The following CTCFL variants were observed in gnomAD, a reference collection of about 807,000 sequenced individuals.
CTCFL encodes CCCTC-binding factor like.
In CTCFL, 36 loss-of-function variants were observed where a neutral mutation model predicts 67.4. That is an observed-to-expected ratio of 0.53 (90% confidence interval 0.41 to 0.71). CTCFL has a LOEUF of 0.71. Ranked by LOEUF, CTCFL falls within the 30% of genes least tolerant of loss-of-function variation. CTCFL has a pLI of 0.00. For synonymous variants in CTCFL, 324 were observed against 302.3 expected (o/e 1.07, Z -0.75); for missense variants, 786 against 835.2 (o/e 0.94, Z 0.73).
intron 9 of CTCFL, 121 bp downstream of exon 9, chr20:57,508,485 G>C (rs911351744): frequency 1.1e-6 from 1 of 888,978 alleles, no homozygotes; most frequent in Admixed American, 2.5e-5. Context: ...AGGCATGACA[G>C]ATGCTCCTGA....
chr20:57,505,437 C>T (rs6025594), intron 9 of CTCFL, among the ~76,000 whole-genome samples: 105,255 of 149,466 alleles, frequency 0.7, 38,166 homozygotes, highest in African/African-American at 0.86. Context: ...TTGTATTTTT[C>T]AGTAGAGATG....
In CTCFL at chr20:57,519,112, T is replaced by TA. The variant is rs1359209033; in HGVS notation, c.925+94dup. On this transcript the variant is annotated intron_variant, in intron 4 of 10. Coordinates refer to ENST00000243914, the MANE Select transcript of CTCFL (RefSeq NM_001386993.1). ...AAGACAAAACTAAAGTATAAAATGT[T>TA]ACACGATTCTACTGTAGAAACAGGT... 32 of 1,342,840 alleles carry TA rather than the reference T, an allele frequency of 2.4e-5. No homozygotes were observed. The African/African-American group carries it at 3.8e-4, about 16-fold the overall frequency. The allele number at this position is 1,342,840 out of a possible 1,614,324, so 83.2% of individuals were successfully genotyped here.
Position 57,498,636 on chromosome 20 carries a change from C to A in CTCFL, c.1906G>T (p.Ala636Ser). ...EQFPGEMFPV[A>S]CRETTARVKE... ...ACTCTGGCTGTGGTTTCTCTGCAGG[C>A]GACAGGAAACATCTCTCCTGGGAAC... is the stretch of plus-strand genomic sequence containing the variant. The change falls in exon 11 of 11, where the codon GCC (alanine) becomes TCC (serine). Residue 636 changes from alanine to serine, a missense_variant. By Grantham distance (99) the Ala-to-Ser change is moderately conservative. This residue lies in a region of CTCFL where 199 missense variants were observed against 196.7 expected (regional missense o/e 1.01). Coordinates refer to ENST00000243914, the MANE Select transcript of CTCFL (RefSeq NM_001386993.1). 6.2e-7 allele frequency: 1 copy of A among 1,614,072 alleles called. No individual in the cohort carries two copies.
intron 8 of CTCFL, among the ~76,000 whole-genome samples, chr20:57,512,032 C>T (rs1164319090): frequency 6.6e-6 from 1 of 152,202 alleles, no homozygotes; most frequent in African/African-American, 2.4e-5. Context: ...AAACAAACCC[C>T]CAGGTGCTTT....
intron 10 of CTCFL, among the ~76,000 whole-genome samples, chr20:57,503,144 A>G (rs780704915): frequency 1.3e-5 from 2 of 152,220 alleles, no homozygotes; most frequent in Non-Finnish European, 2.9e-5. Context: ...GTGGTCATCT[A>G]TTGCAACAGC....
At chr20:57,507,482 GC>G (rs1405864814) in intron 9 of CTCFL, 3 of 671,378 alleles carry the variant, frequency 4.5e-6, no homozygotes, top group South Asian at 1.6e-5. Flanking sequence ...ACAGGTGTGA[GC>G]CCCCACAGCT....
intron 9 of CTCFL, among the ~76,000 whole-genome samples, chr20:57,503,939 AAAAG>A (rs2068048863): frequency 6.6e-6 from 1 of 151,622 alleles, no homozygotes; most frequent in Non-Finnish European, 1.5e-5. Context: ...AAAAAAAAAA[AAAAG>A]AAAGAAAAGA....
At position 57,524,175 on chromosome 20, in the gene CTCFL, C is replaced by A; in HGVS notation, c.31G>T (p.Glu11Ter). ...AGTTCTTTGATCTTGGTGAATTGCT[C>A]AGAAAGGACAGAGATCTCAGTGGCT... The part of the protein sequence containing the change: MAATEISVLS[E>*]QFTKIKELEL... The change falls in exon 2 of 11, where the codon GAG (glutamate) becomes TAG (stop). Residue 11 changes from glutamate (E) to a stop codon, truncating the protein, a stop_gained. Coordinates refer to ENST00000243914, the MANE Select transcript of CTCFL (RefSeq NM_001386993.1). LOFTEE classifies it high-confidence loss of function. The A allele has an allele frequency of 6.2e-7, 1 of 1,613,042 alleles. No homozygotes were observed. Among genetic ancestry groups the A allele is most frequent in the Non-Finnish European group, 8.5e-7 (1 of 1,179,914 alleles).
Position 57,520,967 on chromosome 20 carries a change from T to A in CTCFL, c.755-1590A>T, listed in dbSNP as rs538693653. 2.6e-5 allele frequency among the ~76,000 whole-genome samples: 4 copies of A among 152,334 alleles called. No homozygotes were observed. The South Asian group carries it at 8.3e-4, about 32-fold the overall frequency. The stretch of plus-strand genomic sequence containing the variant: ...AAAGAGATGTAGAGACATACAGGAA[T>A]AATTCCATGTGATAACAGAGGCAGA... On this transcript the variant is annotated intron_variant, in intron 3 of 10. Transcript: ENST00000243914.
At chr20:57,519,091 C>T in intron 4 of CTCFL, 116 bp downstream of exon 4, 3 of 1,285,060 alleles carry the variant, frequency 2.3e-6, no homozygotes, top group African/African-American at 1.5e-5. Context: ...AAAAAGAAGA[C>T]AAAACTAAAG....
chr20:57,511,492 T>C (rs2068549685), intron 8 of CTCFL, among the ~76,000 whole-genome samples: 2 of 152,172 alleles, frequency 1.3e-5, no homozygotes, highest in Non-Finnish European at 2.9e-5. Context: ...GATTGGTCAT[T>C]TGGAAAATAC....
chr20:57,518,817 A>T lies in CTCFL; in HGVS notation c.1000T>A (p.Tyr334Asn). The change falls in exon 5 of 11, where the codon TAT (tyrosine) becomes AAT (asparagine). Residue 334 changes from tyrosine to asparagine, a missense_variant. Coordinates refer to ENST00000243914, the MANE Select transcript of CTCFL (RefSeq NM_001386993.1). Reference protein sequence around the residue: ...TSGELVRHRRYKHTHEKPFKC... With the variant: ...TSGELVRHRRNKHTHEKPFKC... ...AAGGGTTTCTCATGAGTATGTTTAT[A>T]GCGCCTGTGTCGGACGAGTTCTCCA... The T allele has an allele frequency of 6.2e-7, 1 of 1,614,154 alleles. No individual in the cohort carries two copies. Among genetic ancestry groups the T allele is most frequent in the Non-Finnish European group, 8.5e-7 (1 of 1,180,026 alleles).
At chr20:57,524,413 G>A (rs1035864278) in intron 1 of CTCFL, 197 bp from the exon 2 acceptor site, 6 of 1,414,392 alleles carry the variant, frequency 4.2e-6, no homozygotes, top group African/African-American at 2.9e-5. Flanking sequence ...GCAGGATTTA[G>A]GCTAAAGCAG....
At position 57,515,768 on chromosome 20, in the gene CTCFL, TGCACTGGCA is replaced by T. The variant is rs1480190162; in HGVS notation, c.1117_1125del (p.Cys373_Cys375del). 2 of 1,614,066 alleles carry T rather than the reference TGCACTGGCA, an allele frequency of 1.2e-6. No individual in the cohort carries two copies. Among genetic ancestry groups the T allele is most frequent in the Non-Finnish European group, 1.7e-6 (2 of 1,180,044 alleles). ...TTGTAGGTATCTCTGCTGGCATAGCTGCACTGGCAACACTGAAAGGGGCGCTCCCCAGTG... is the reference window on the plus strand; with the variant it reads ...TTGTAGGTATCTCTGCTGGCATAGCTACACTGAAAGGGGCGCTCCCCAGTG... On this transcript the variant is annotated inframe_deletion, in exon 6 of 11. Transcript: ENST00000243914.
intron 2 of CTCFL, 25 bp downstream of exon 2, chr20:57,523,638 G>C: frequency 1.9e-6 from 3 of 1,592,438 alleles, no homozygotes; most frequent in South Asian, 2.3e-5. Context: ...TCATGTAAGG[G>C]GTTGTTTATT....
intron 3 of CTCFL, 83 bp downstream of exon 3, chr20:57,522,985 A>G (rs928039731): frequency 9.9e-6 from 11 of 1,110,166 alleles, no homozygotes; most frequent in Non-Finnish European, 1.3e-5. Flanking sequence ...AACCACTTAA[A>G]ACTTCAATTA....
chr20:57,499,660 GT>G, intron 10 of CTCFL: 1 of 199,094 alleles, frequency 5.0e-6, no homozygotes, highest in Non-Finnish European at 1.0e-5. Flanking sequence ...CCCTGGGCTT[GT>G]TTTCCTGCAT....
At chr20:57,498,952 G>C (rs1362604629) in intron 10 of CTCFL, among the ~76,000 whole-genome samples, 1 of 151,902 alleles carries the variant, frequency 6.6e-6, no homozygotes, top group East Asian at 1.9e-4. Flanking sequence ...CGCTGTTCTG[G>C]GCACTGTAGG....
At chr20:57,508,417 C>T (rs1040438941) in intron 9 of CTCFL, among the ~76,000 whole-genome samples, 189 bp downstream of exon 9, 4 of 150,132 alleles carry the variant, frequency 2.7e-5, no homozygotes, top group Admixed American at 1.3e-4. Flanking sequence ...GGAGACCACA[C>T]TTTCATAGGA....
Sources: allele counts gnomAD v4.1 joint callset (sites outside exome capture counted in the v4.1 genomes callset), GRCh38; gene constraint gnomAD v4.1.1; regional missense constraint gnomAD v4.1.1; transcripts MANE v1.5; gene names NCBI Gene and HGNC (gene_info 2026-07-23, HGNC 2026-07-21).